Variants in IQCJ observed in about 807,000 individuals in gnomAD.
IQCJ encodes the protein IQ domain-containing protein J.
In IQCJ, 9 loss-of-function variants were observed where a neutral mutation model predicts 11.0. The ratio of observed to expected loss-of-function variants is 0.82; its 90% CI spans 0.49 to 1.43. The LOEUF is 1.43. Ranked by LOEUF, IQCJ falls within the 40% of genes most tolerant of loss-of-function variation. The pLI is 0.00. For synonymous variants in IQCJ, 55 were observed against 51.3 expected, an observed-to-expected ratio of 1.07 and a Z score of -0.31; for missense variants, 146 against 133.2, an observed-to-expected ratio of 1.10 and a Z score of -0.47.
At chr3:159,248,451 A>C (rs1727400960) in intron 2 of IQCJ, among the ~76,000 whole-genome samples, 1 of 152,244 alleles carries the variant, frequency 6.6e-6, no homozygotes. Context: ...GTCAATAGCT[A>C]TATGTAAACA....
chr3:159,262,795 A>C lies in IQCJ; in HGVS notation c.*64A>C. 1 of 1,547,900 alleles carries C rather than the reference A, an allele frequency of 6.5e-7. No homozygotes were observed. Among genetic ancestry groups the C allele is most frequent in the East Asian group, 2.3e-5 (1 of 44,044 alleles). ...GTGAGCAGGTGGTTTGTGACAGTGAAGATCTATGTAGCTTATTTGCTACCC... is the reference window on the plus strand; with the variant it reads ...GTGAGCAGGTGGTTTGTGACAGTGACGATCTATGTAGCTTATTTGCTACCC... On this transcript the variant is annotated 3_prime_UTR_variant, in exon 4 of 4. Transcript: ENST00000397832.
At chr3:159,251,319 C>T (rs1727585042) in intron 2 of IQCJ, among the ~76,000 whole-genome samples, 1 of 151,902 alleles carries the variant, frequency 6.6e-6, no homozygotes, top group African/African-American at 2.4e-5. Flanking sequence ...ATAACCTGGA[C>T]TATTTGAATA....
chr3:159,093,520 C>T (rs779031775), intron 1 of IQCJ, among the ~76,000 whole-genome samples: 9 of 151,766 alleles, frequency 5.9e-5, no homozygotes, highest in Admixed American at 3.9e-4. Flanking sequence ...GCCTTGCCCT[C>T]GAAACTGATG....
At chr3:159,236,841 A>C (rs1726622286) in intron 1 of IQCJ, among the ~76,000 whole-genome samples, 1 of 152,182 alleles carries the variant, frequency 6.6e-6, no homozygotes, top group Non-Finnish European at 1.5e-5. Flanking sequence ...CCCTTATTAC[A>C]CTTCCATTAA....
intron 1 of IQCJ, among the ~76,000 whole-genome samples, chr3:159,143,781 T>G (rs1193234421): frequency 6.6e-6 from 1 of 152,196 alleles, no homozygotes; most frequent in East Asian, 1.9e-4. Context: ...TTAGTCCACT[T>G]GTGCTATTGT....
chr3:159,074,401 A>C (rs1715781298), intron 1 of IQCJ, among the ~76,000 whole-genome samples: 1 of 152,152 alleles, frequency 6.6e-6, no homozygotes, highest in Non-Finnish European at 1.5e-5. Context: ...AAAGGGACTT[A>C]AACATTTGAA....
intron 1 of IQCJ, among the ~76,000 whole-genome samples, chr3:159,188,285 C>T (rs996432708): frequency 2.6e-5 from 4 of 152,132 alleles, no homozygotes; most frequent in Non-Finnish European, 5.9e-5. Context: ...TGGCACACGC[C>T]TGTAATCCCA....
intron 1 of IQCJ, among the ~76,000 whole-genome samples, chr3:159,182,500 A>G (rs1577065209): frequency 6.6e-6 from 1 of 152,038 alleles, no homozygotes; most frequent in Non-Finnish European, 1.5e-5. Context: ...TAAAGAAGGA[A>G]GGGGCTTATT....
intron 1 of IQCJ, among the ~76,000 whole-genome samples, chr3:159,162,535 C>A (rs577470504): frequency 1.6e-4 from 24 of 152,234 alleles, no homozygotes; most frequent in African/African-American, 5.5e-4. Flanking sequence ...CCTTCTCCTG[C>A]CTAATTGCCC....
At chr3:159,113,167 C>G (rs1181505356) in intron 1 of IQCJ, among the ~76,000 whole-genome samples, 1 of 151,856 alleles carries the variant, frequency 6.6e-6, no homozygotes, top group Non-Finnish European at 1.5e-5. Flanking sequence ...TTTAAAGAGC[C>G]CTGGGGCTCC....
intron 1 of IQCJ, among the ~76,000 whole-genome samples, chr3:159,206,558 G>A (rs1724666684): frequency 6.6e-6 from 1 of 152,176 alleles, no homozygotes; most frequent in Non-Finnish European, 1.5e-5. Context: ...CTTGAAACTG[G>A]AGTCTTAGCT....
chr3:159,183,414 T>C (rs1723204675), intron 1 of IQCJ, among the ~76,000 whole-genome samples: 1 of 152,208 alleles, frequency 6.6e-6, no homozygotes, highest in African/African-American at 2.4e-5. Flanking sequence ...ATGCCCTCTC[T>C]ATACTTTGTC....
chr3:159,188,793 C>T (rs1318657444), intron 1 of IQCJ, among the ~76,000 whole-genome samples: 3 of 152,056 alleles, frequency 2.0e-5, no homozygotes, highest in Admixed American at 2.0e-4. Context: ...TTAACTTTAC[C>T]AAATCAATGT....
intron 1 of IQCJ, among the ~76,000 whole-genome samples, chr3:159,244,213 T>C (rs1164716565): frequency 6.6e-6 from 1 of 152,158 alleles, no homozygotes; most frequent in Non-Finnish European, 1.5e-5. Flanking sequence ...AGAGATCAGA[T>C]ACAAATGTAA....
chr3:159,118,857 G>A (rs901694677), intron 1 of IQCJ, among the ~76,000 whole-genome samples: 2 of 152,214 alleles, frequency 1.3e-5, no homozygotes, highest in East Asian at 1.9e-4. Flanking sequence ...AGGAAGGTTC[G>A]CTCATAGCTC....
At chr3:159,124,700 A>G (rs1056418574) in intron 1 of IQCJ, among the ~76,000 whole-genome samples, 1 of 152,242 alleles carries the variant, frequency 6.6e-6, no homozygotes. Flanking sequence ...CAGCTGCTGT[A>G]TTTATTTTTG....
intron 1 of IQCJ, among the ~76,000 whole-genome samples, chr3:159,167,655 T>A (rs1309638345): frequency 6.6e-6 from 1 of 152,186 alleles, no homozygotes; most frequent in South Asian, 2.1e-4. Context: ...TTGAATTAAT[T>A]AATTAGTAAG....
chr3:159,143,289 C>G (rs1314915198), intron 1 of IQCJ, among the ~76,000 whole-genome samples: 1 of 152,218 alleles, frequency 6.6e-6, no homozygotes, highest in Non-Finnish European at 1.5e-5. Context: ...TAGTATTTCT[C>G]TTAAGTATGG....
At chr3:159,220,911 AC>A (rs908211925) in intron 1 of IQCJ, among the ~76,000 whole-genome samples, 7 of 152,108 alleles carry the variant, frequency 4.6e-5, no homozygotes, top group Non-Finnish European at 8.8e-5. Context: ...ACAGACCCAC[AC>A]TGCTCCCACA....
Sources: allele counts gnomAD v4.1 joint callset (sites outside exome capture counted in the v4.1 genomes callset), GRCh38; gene constraint gnomAD v4.1.1; transcripts MANE v1.5; gene names NCBI Gene and HGNC (gene_info 2026-07-23, HGNC 2026-07-21).